Variants in UMAD1 observed in about 807,000 individuals in gnomAD.
UMAD1 encodes UBAP1-MVB12-associated (UMA)-domain containing protein 1.
UMAD1 carries 8 observed loss-of-function variants against 6.1 expected under a neutral mutation model. That is an observed-to-expected ratio of 1.30 (90% CI 0.76 to 2.35). UMAD1 has a LOEUF of 2.35. Ranked by LOEUF, UMAD1 falls within the 30% of genes most tolerant of loss-of-function variation. The probability of loss-of-function intolerance (pLI) is 0.00; values close to 1 mark genes in which losing one functional copy is unlikely to be tolerated. For synonymous variants in UMAD1, 56 were observed against 31.4 expected (o/e 1.78, Z -2.61); for missense variants, 130 against 78.4 (o/e 1.66, Z -2.49).
intron 3 of UMAD1, among the ~76,000 whole-genome samples, chr7:7,809,941 T>G (rs1469873012): frequency 1.3e-5 from 2 of 152,040 alleles, no homozygotes; most frequent in Non-Finnish European, 2.9e-5. Flanking sequence ...ATACAGACTT[T>G]GGTTACTACT....
intron 3 of UMAD1, 133 bp from the exon 4 acceptor site, chr7:7,877,148 G>GTAA: frequency 1.7e-6 from 1 of 605,058 alleles, no homozygotes; most frequent in Non-Finnish European, 3.0e-6. Flanking sequence ...GTAAAGTAAA[G>GTAA]AGCTGCGTTC....
chr7:7,861,256 T>C (rs1177962320), intron 3 of UMAD1, among the ~76,000 whole-genome samples: 2 of 152,172 alleles, frequency 1.3e-5, no homozygotes, highest in Non-Finnish European at 2.9e-5. Context: ...TTTTTGTATA[T>C]TTTACCACAA....
At chr7:7,700,601 C>T (rs995530272) in intron 2 of UMAD1, among the ~76,000 whole-genome samples, 1 of 151,922 alleles carries the variant, frequency 6.6e-6, no homozygotes, top group Non-Finnish European at 1.5e-5. Flanking sequence ...ACAAAAACAC[C>T]AAAGGGCCGG....
chr7:7,784,430 G>C (rs886745985), intron 2 of UMAD1, among the ~76,000 whole-genome samples: 1 of 151,492 alleles, frequency 6.6e-6, no homozygotes, highest in Non-Finnish European at 1.5e-5. Flanking sequence ...CCGCCTCCCG[G>C]GTTCACGCCC....
intron 1 of UMAD1, among the ~76,000 whole-genome samples, chr7:7,656,975 CTGT>C (rs1254874701): frequency 1.3e-5 from 2 of 152,220 alleles, no homozygotes; most frequent in Non-Finnish European, 2.9e-5. Context: ...TCTCCAGCAT[CTGT>C]TGTTTCCTGA....
rs1206412629 is a variant in UMAD1 at position 7,830,710 on chromosome 7, T to G, written c.156+28967T>G. ...GTCAGATATTGCCTCAGAACCTTTG[T>G]AAGAAGAGATACAGTAGGGTTTTGA... is the stretch of plus-strand genomic sequence containing the variant. On this transcript the variant is annotated intron_variant, in intron 3 of 3. Coordinates refer to ENST00000682710, the MANE Select transcript of UMAD1 (RefSeq NM_001302348.2). This position sits in a 1 kb window ranked among gnomAD's most constrained non-coding sequence, Gnocchi z 5.3. Among the ~76,000 whole-genome samples, 1 of 152,114 alleles carries G rather than the reference T, an allele frequency of 6.6e-6. No homozygotes were observed. The highest frequency in any genetic ancestry group is 1.5e-5 in the Non-Finnish European group (1 of 68,016).
intron 3 of UMAD1, among the ~76,000 whole-genome samples, chr7:7,810,222 A>C (rs6968132): frequency 0.92 from 139,947 of 152,024 alleles, 64,538 homozygotes; most frequent in African/African-American, 0.97. Flanking sequence ...ATTCATAGTC[A>C]AAATACAAAT....
intron 2 of UMAD1, among the ~76,000 whole-genome samples, chr7:7,768,452 G>A (rs1782037311): frequency 6.6e-6 from 1 of 152,096 alleles, no homozygotes; most frequent in East Asian, 1.9e-4. Flanking sequence ...TCTCTTACAT[G>A]TCTAGGCTGT....
At chr7:7,728,652 A>AG (rs1781189836) in intron 2 of UMAD1, among the ~76,000 whole-genome samples, 1 of 152,006 alleles carries the variant, frequency 6.6e-6, no homozygotes. Context: ...TTAAGAAAAA[A>AG]AAAAAAAACA....
intron 2 of UMAD1, among the ~76,000 whole-genome samples, chr7:7,691,747 A>C (rs916431884): frequency 4.6e-5 from 7 of 152,168 alleles, no homozygotes; most frequent in Admixed American, 1.3e-4. Context: ...AATTTATTCT[A>C]ATCTTTATCG....
intron 2 of UMAD1, among the ~76,000 whole-genome samples, chr7:7,765,341 A>G (rs1351589429): frequency 6.6e-6 from 1 of 152,194 alleles, no homozygotes; most frequent in Non-Finnish European, 1.5e-5. Flanking sequence ...TAAAAACAAT[A>G]ATATTTAATC....
At chr7:7,875,096 A>G (rs145953575) in intron 3 of UMAD1, among the ~76,000 whole-genome samples, 173 of 152,260 alleles carry the variant, frequency 1.1e-3, no homozygotes, top group Non-Finnish European at 2.1e-3. Context: ...CTTCTCCTTT[A>G]GACTTACAGT....
At chr7:7,860,543 G>A (rs946351533) in intron 3 of UMAD1, among the ~76,000 whole-genome samples, 10 of 149,140 alleles carry the variant, frequency 6.7e-5, no homozygotes, top group African/African-American at 2.2e-4. Context: ...GGTGGATCAC[G>A]GGGTCAGGAG....
intron 3 of UMAD1, among the ~76,000 whole-genome samples, chr7:7,803,490 GTTTGGGA>G (rs1163946161): frequency 6.6e-6 from 1 of 152,162 alleles, no homozygotes; most frequent in Non-Finnish European, 1.5e-5. Flanking sequence ...AAGTTGATAT[GTTTGGGA>G]TTTGGGAGAT....
chr7:7,781,346 A>C (rs1200091661), intron 2 of UMAD1, among the ~76,000 whole-genome samples: 1 of 152,016 alleles, frequency 6.6e-6, no homozygotes, highest in Non-Finnish European at 1.5e-5. Context: ...TTTCAAAAAT[A>C]ATCTGGTTAT....
intron 3 of UMAD1, among the ~76,000 whole-genome samples, chr7:7,854,431 A>G (rs1388823837): frequency 6.6e-6 from 1 of 152,042 alleles, no homozygotes; most frequent in Non-Finnish European, 1.5e-5. Context: ...AGGCCTCAGA[A>G]AACTTACAAT....
chr7:7,857,149 TA>T (rs1784033332), intron 3 of UMAD1, among the ~76,000 whole-genome samples: 1 of 152,224 alleles, frequency 6.6e-6, no homozygotes, highest in African/African-American at 2.4e-5. Flanking sequence ...AAATCAACTG[TA>T]CTCTTTGAGC....
At position 7,731,493 on chromosome 7, in the gene UMAD1, A is replaced by C. The variant is rs548026182; in HGVS notation, c.82+58040A>C. ...AAAGCAAACAAACAACCCCCCCCCAAAAAAAAAACACTTCTAGAGGTATTG... is the reference window on the plus strand; with the variant it reads ...AAAGCAAACAAACAACCCCCCCCCACAAAAAAAACACTTCTAGAGGTATTG... On this transcript the variant is annotated intron_variant, in intron 2 of 3. Coordinates refer to ENST00000682710, the MANE Select transcript of UMAD1 (RefSeq NM_001302348.2). Among the ~76,000 whole-genome samples, 101 of 125,004 alleles carry C rather than the reference A, an allele frequency of 8.1e-4. 2 individuals carry two copies. Among genetic ancestry groups the C allele is most frequent in the African/African-American group, 1.1e-3 (35 of 31,734 alleles). The allele number at this position is 125,004 out of a possible 152,430, so 82.0% of individuals were successfully genotyped here. A position where few individuals can be genotyped will look rare whatever the true frequency, so the allele number is the denominator to read the frequency against.
chr7:7,818,489 G>C (rs1783175434), intron 3 of UMAD1, among the ~76,000 whole-genome samples: 1 of 152,108 alleles, frequency 6.6e-6, no homozygotes, highest in Non-Finnish European at 1.5e-5. Flanking sequence ...CAGTCAGAAT[G>C]GCTATTAATA....
Sources: allele counts gnomAD v4.1 joint callset (sites outside exome capture counted in the v4.1 genomes callset), GRCh38; gene constraint gnomAD v4.1.1; non-coding constraint Gnocchi (gnomAD v3.1); transcripts MANE v1.5; gene names NCBI Gene and HGNC (gene_info 2026-07-23, HGNC 2026-07-21).